CALN1: variants seen among roughly 807,000 people sequenced by gnomAD.
The protein encoded by CALN1 is calneuron 1.
CALN1 carries 17 observed loss-of-function variants against 30.6 expected under a neutral mutation model. That is an observed-to-expected ratio of 0.56 (90% CI 0.38 to 0.83). The LOEUF (loss-of-function observed/expected upper bound fraction) is 0.83. CALN1 is among the 40% of genes least tolerant of loss of function. CALN1 has a pLI of 0.00. For missense variants in CALN1, 291 were observed against 354.9 expected (o/e 0.82, Z 1.45); for synonymous variants, 156 against 131.4 (o/e 1.19, Z -1.28).
At chr7:72,336,974 C>G in intron 2 of CALN1, 1 of 985,238 alleles carries the variant, frequency 1.0e-6, no homozygotes, top group Non-Finnish European at 1.2e-6. Flanking sequence ...GCGATCTGGG[C>G]GCGTGCCTCC....
At position 72,336,672 on chromosome 7, in the gene CALN1, G is replaced by C. The variant is rs959161378; in HGVS notation, c.120-57862C>G. The C allele has an allele frequency of 4.7e-5, 46 of 984,002 alleles. No individual in the cohort carries two copies. The Admixed American group carries it at 2.0e-3, about 42-fold the overall frequency. The allele number at this position is 984,002 out of a possible 1,614,324, so 61.0% of individuals were successfully genotyped here. On this transcript the variant is annotated intron_variant, in intron 2 of 6. Transcript: ENST00000395275. ...GAAGAAGAAAAGAGAGCGCGCGCGC[G>C]GGTAAGCTAGGGAGCCGGCGGCGGC...
intron 3 of CALN1, among the ~76,000 whole-genome samples, chr7:72,273,561 C>G (rs527364555): frequency 2.5e-4 from 35 of 142,650 alleles, no homozygotes; most frequent in Non-Finnish European, 3.3e-4. Flanking sequence ...CACCAAGGCT[C>G]AAGTGCAAGT....
chr7:72,263,134 GCAT>G (rs1415648211), intron 3 of CALN1, among the ~76,000 whole-genome samples: 3 of 152,152 alleles, frequency 2.0e-5, no homozygotes, highest in Non-Finnish European at 4.4e-5. Flanking sequence ...ATCATAATAA[GCAT>G]CATCATCATA....
chr7:72,016,542 T>G (rs1221141594), intron 5 of CALN1, among the ~76,000 whole-genome samples: 2 of 151,690 alleles, frequency 1.3e-5, no homozygotes, highest in Non-Finnish European at 2.9e-5. Context: ...GCTCAGGCAA[T>G]CCTCCTGCCT....
chr7:72,416,536 A>C (rs1807424534), upstream of CALN1, among the ~76,000 whole-genome samples: 1 of 152,082 alleles, frequency 6.6e-6, no homozygotes, highest in Admixed American at 6.5e-5. Context: ...GGTGTTCAAG[A>C]CCAGCCTGGC....
At chr7:72,039,940 A>G (rs1200535600) in intron 4 of CALN1, among the ~76,000 whole-genome samples, 1 of 151,976 alleles carries the variant, frequency 6.6e-6, no homozygotes, top group African/African-American at 2.4e-5. Context: ...ACTAAACTCA[A>G]CAGCAGCTCC....
At chr7:71,911,842 T>C (rs1057323339) in intron 5 of CALN1, among the ~76,000 whole-genome samples, 4 of 151,906 alleles carry the variant, frequency 2.6e-5, no homozygotes, top group African/African-American at 4.8e-5. Flanking sequence ...AAAATGGAGG[T>C]TTTCAGGATA....
intron 3 of CALN1, among the ~76,000 whole-genome samples, chr7:72,273,383 C>T (rs1388968019): frequency 7.3e-6 from 1 of 137,578 alleles, no homozygotes; most frequent in Non-Finnish European, 1.5e-5. Flanking sequence ...GATTGCACCA[C>T]TGCACTCCAG....
chr7:71,851,576 A>G (rs548905074), intron 5 of CALN1, among the ~76,000 whole-genome samples: 4 of 152,018 alleles, frequency 2.6e-5, no homozygotes, highest in Admixed American at 2.0e-4. Context: ...ACACACATAT[A>G]TATATTCACT....
chr7:72,230,769 A>G (rs1794040562), intron 3 of CALN1, among the ~76,000 whole-genome samples: 1 of 152,202 alleles, frequency 6.6e-6, no homozygotes, highest in Admixed American at 6.5e-5. Flanking sequence ...ATAAATTCGT[A>G]TTCTGTTAAG....
chr7:72,351,631 G>A (rs987407659), intron 2 of CALN1, among the ~76,000 whole-genome samples: 12 of 152,118 alleles, frequency 7.9e-5, no homozygotes, highest in Non-Finnish European at 2.9e-5. Flanking sequence ...AGTATCATTT[G>A]ATATCACACT....
chr7:71,894,794 T>C (rs1276890450), intron 5 of CALN1, among the ~76,000 whole-genome samples: 1 of 152,256 alleles, frequency 6.6e-6, no homozygotes, highest in Non-Finnish European at 1.5e-5. Flanking sequence ...AGTTTAGTTT[T>C]CAGTAGTTTA....
At position 71,991,498 on chromosome 7, in the gene CALN1, G is replaced by A. The variant is rs111394201; in HGVS notation, c.501+32159C>T. Among the ~76,000 whole-genome samples the A allele has an allele frequency of 3.2e-3, 485 of 151,538 alleles. 4 individuals are homozygous for A. The highest frequency in any genetic ancestry group is 0.011 in the African/African-American group (465 of 41,354). ...AGAATAGCAGAAAACTGCACTGGAT[G>A]GAAGGCCTGTGCCTACATTTTAGAA... On this transcript the variant is annotated intron_variant, in intron 5 of 6. Transcript: ENST00000395275.
chr7:71,879,262 G>A (rs1000802604), intron 5 of CALN1, among the ~76,000 whole-genome samples: 1 of 152,160 alleles, frequency 6.6e-6, no homozygotes, highest in African/African-American at 2.4e-5. Flanking sequence ...ATGAGAAGAT[G>A]ATTATCTCTG....
intron 2 of CALN1, among the ~76,000 whole-genome samples, chr7:72,330,225 G>A (rs1009596349): frequency 4.0e-5 from 6 of 151,756 alleles, no homozygotes; most frequent in African/African-American, 1.5e-4. Context: ...CCTCAGAGGT[G>A]GAGGGTGCAG....
chr7:71,887,868 C>T (rs117471137), intron 5 of CALN1, among the ~76,000 whole-genome samples: 25 of 152,082 alleles, frequency 1.6e-4, no homozygotes, highest in Non-Finnish European at 3.1e-4. Flanking sequence ...ATGCTGCTAC[C>T]GAGAATGTGT....
At chr7:71,796,580 G>C (rs1048542135) in intron 6 of CALN1, among the ~76,000 whole-genome samples, 1 of 151,356 alleles carries the variant, frequency 6.6e-6, no homozygotes, top group Non-Finnish European at 1.5e-5. Context: ...GGCTGATCTC[G>C]AACTACTGAC....
At chr7:71,802,535 T>C (rs1787367576) in intron 6 of CALN1, among the ~76,000 whole-genome samples, 1 of 152,150 alleles carries the variant, frequency 6.6e-6, no homozygotes, top group South Asian at 2.1e-4. Flanking sequence ...CAATCATAGC[T>C]CACTGCAGCC....
At chr7:72,309,485 G>A (rs1799888783) in intron 2 of CALN1, among the ~76,000 whole-genome samples, 1 of 152,106 alleles carries the variant, frequency 6.6e-6, no homozygotes, top group Admixed American at 6.5e-5. Context: ...AGGTGTCAAA[G>A]GTGCTACAGA....
Sources: gnomAD v4.1 joint callset for allele counts (sites outside exome capture counted in the v4.1 genomes callset) on GRCh38, gnomAD v4.1.1 for gene constraint, MANE v1.5 for transcripts, NCBI Gene and HGNC (gene_info 2026-07-23, HGNC 2026-07-21) for gene names.